The following MCU variants were observed in gnomAD, a reference collection of about 807,000 sequenced individuals.
The protein encoded by MCU is mitochondrial calcium uniporter, also known as calcium uniporter protein, mitochondrial.
Under a neutral mutation model 45.2 loss-of-function variants are expected in MCU, and 12 were observed. The ratio of observed to expected loss-of-function variants is 0.27; its 90% CI spans 0.17 to 0.43. The LOEUF is 0.43. MCU is among the 20% of genes least tolerant of loss of function. MCU has a pLI of 1.00. For synonymous variants in MCU, 160 were observed against 165.1 expected, an observed-to-expected ratio of 0.97 and a Z score of 0.24; for missense variants, 324 against 436.7, an observed-to-expected ratio of 0.74 and a Z score of 2.30.
intron 1 of MCU, among the ~76,000 whole-genome samples, chr10:72,809,760 C>T (rs1844509643): frequency 6.6e-6 from 1 of 152,056 alleles, no homozygotes; most frequent in Non-Finnish European, 1.5e-5. Context: ...AAGAATAAGC[C>T]TTGATGAGTA....
chr10:72,711,544 A>G (rs1322829020), intron 1 of MCU, among the ~76,000 whole-genome samples: 2 of 143,314 alleles, frequency 1.4e-5, no homozygotes, highest in Admixed American at 6.9e-5. Context: ...CCCTCTTAAT[A>G]CTTAAAAAAA....
intron 1 of MCU, among the ~76,000 whole-genome samples, chr10:72,807,627 A>G (rs1017502962): frequency 6.6e-6 from 1 of 152,148 alleles, no homozygotes; most frequent in African/African-American, 2.4e-5. Flanking sequence ...TACTTCTTTC[A>G]CCATATACAT....
intron 2 of MCU, among the ~76,000 whole-genome samples, chr10:72,839,389 A>AAG (rs1783799926): frequency 6.6e-6 from 1 of 151,942 alleles, no homozygotes; most frequent in African/African-American, 2.4e-5. Flanking sequence ...TCACACCCTC[A>AAG]ACCCCAGGTA....
At chr10:72,795,128 C>A (rs1844223810) in intron 1 of MCU, among the ~76,000 whole-genome samples, 1 of 152,176 alleles carries the variant, frequency 6.6e-6, no homozygotes, top group East Asian at 1.9e-4. Context: ...CTTCAAAATT[C>A]TGTCCTAAAA....
At chr10:72,822,772 T>C (rs963692754) in intron 1 of MCU, among the ~76,000 whole-genome samples, 5 of 151,684 alleles carry the variant, frequency 3.3e-5, no homozygotes, top group African/African-American at 1.2e-4. Flanking sequence ...GCCCAGGAGG[T>C]CAAAGCTGCA....
At chr10:72,885,442 T>G (rs574405426) in intron 7 of MCU, among the ~76,000 whole-genome samples, 1 of 152,366 alleles carries the variant, frequency 6.6e-6, no homozygotes, top group South Asian at 2.1e-4. Flanking sequence ...ACCATCAAGA[T>G]GTATGTCTCA....
At chr10:72,705,717 C>T (rs1247408787) in intron 1 of MCU, among the ~76,000 whole-genome samples, 1 of 152,046 alleles carries the variant, frequency 6.6e-6, no homozygotes, top group Non-Finnish European at 1.5e-5. Flanking sequence ...ACTTGGGGGG[C>T]TGAGGCAGGA....
At chr10:72,748,467 G>A (rs1447741026) in intron 1 of MCU, among the ~76,000 whole-genome samples, 1 of 152,178 alleles carries the variant, frequency 6.6e-6, no homozygotes, top group Non-Finnish European at 1.5e-5. Context: ...CGATTAACAA[G>A]GAGTGATAAG....
chr10:72,854,980 G>A (rs1388058376), intron 2 of MCU, among the ~76,000 whole-genome samples: 2 of 152,164 alleles, frequency 1.3e-5, no homozygotes, highest in Non-Finnish European at 2.9e-5. Context: ...GGTGGCTTAC[G>A]CCTGTAATCC....
chr10:72,774,822 T>C (rs1216404131), intron 1 of MCU, among the ~76,000 whole-genome samples: 2 of 152,008 alleles, frequency 1.3e-5, no homozygotes, highest in Non-Finnish European at 1.5e-5. Context: ...ATAAGATAAA[T>C]AGATCAATTC....
chr10:72,870,904 G>GTA (rs1845532322), intron 5 of MCU, among the ~76,000 whole-genome samples: 1 of 151,926 alleles, frequency 6.6e-6, no homozygotes, highest in African/African-American at 2.4e-5. Flanking sequence ...GTAGTTGTAT[G>GTA]TATATATATT....
chr10:72,834,568 G>A (rs1043735534), intron 2 of MCU, 140 bp downstream of exon 2: 3 of 580,836 alleles, frequency 5.2e-6, no homozygotes, highest in African/African-American at 1.9e-5. Flanking sequence ...GAAAGGAGGA[G>A]AAGGAAAATA....
chr10:72,854,129 CAAAAA>C (rs932434546), intron 2 of MCU, among the ~76,000 whole-genome samples: 52 of 151,172 alleles, frequency 3.4e-4, no homozygotes, highest in Non-Finnish European at 6.2e-4. Context: ...GACTCTGTCT[CAAAAA>C]TAAAATAAAT....
rs190346045 is a variant in MCU at position 72,764,943 on chromosome 10, G to T, written c.151-69416G>T. ...TACGACTTATATTGATGTGATTTTT[G>T]CCCTTATAAAGAATTAAATATTAGA... is the stretch of plus-strand genomic sequence containing the variant. On this transcript the variant is annotated intron_variant, in intron 1 of 7. Coordinates refer to ENST00000373053, the MANE Select transcript of MCU (RefSeq NM_138357.3). Among the ~76,000 whole-genome samples, 8 of 152,038 alleles carry T rather than the reference G, an allele frequency of 5.3e-5. No homozygotes were observed. The East Asian group carries it at 1.5e-3, about 29-fold the overall frequency.
At chr10:72,845,076 A>C (rs1456439906) in intron 2 of MCU, among the ~76,000 whole-genome samples, 1 of 152,180 alleles carries the variant, frequency 6.6e-6, no homozygotes, top group East Asian at 1.9e-4. Flanking sequence ...AACTATAATA[A>C]TCAAAACAAT....
intron 1 of MCU, among the ~76,000 whole-genome samples, chr10:72,759,014 TAAG>T (rs1843616891): frequency 6.6e-6 from 1 of 152,194 alleles, no homozygotes; most frequent in Non-Finnish European, 1.5e-5. Flanking sequence ...GTTGTATTAT[TAAG>T]GTTTGTTGCT....
chr10:72,822,674 T>A (rs749943846), intron 1 of MCU, among the ~76,000 whole-genome samples: 3 of 152,066 alleles, frequency 2.0e-5, no homozygotes, highest in Non-Finnish European at 4.4e-5. Context: ...AAGATAGGTA[T>A]AATCAAAAAG....
chr10:72,764,163 G>C (rs1038757784), intron 1 of MCU, among the ~76,000 whole-genome samples: 2 of 152,086 alleles, frequency 1.3e-5, no homozygotes, highest in African/African-American at 2.4e-5. Flanking sequence ...GTGGCTTTCA[G>C]TTCCACTAAA....
rs567830911 is a variant in MCU at position 72,711,068 on chromosome 10, A to G, written c.150+18767A>G. On this transcript the variant is annotated intron_variant, in intron 1 of 7. Transcript: ENST00000373053. ...GTGGTGGGCGCCTGTAATCCCAGCT[A>G]CTTGGGAGGCTGAGGCAGGATAATT... Among the ~76,000 whole-genome samples, 9 of 151,970 alleles carry G rather than the reference A, an allele frequency of 5.9e-5. No homozygotes were observed. In the East Asian group the frequency reaches 1.7e-3, roughly 30 times the overall value.
Sources: allele counts gnomAD v4.1 joint callset (sites outside exome capture counted in the v4.1 genomes callset), GRCh38; gene constraint gnomAD v4.1.1; transcripts MANE v1.5; gene names NCBI Gene and HGNC (gene_info 2026-07-23, HGNC 2026-07-21).